NUP160: variants seen among roughly 807,000 people sequenced by gnomAD.
NUP160 encodes the protein nuclear pore complex protein Nup160.
Under a neutral mutation model 196.9 loss-of-function variants are expected in NUP160, and 94 were observed. The ratio of observed to expected loss-of-function variants is 0.48; its 90% CI spans 0.40 to 0.57. NUP160 has a LOEUF of 0.57. NUP160 is among the 20% of genes least tolerant of loss of function. The probability of loss-of-function intolerance (pLI) is 0.00; values close to 1 mark genes in which losing one functional copy is unlikely to be tolerated. For missense variants in NUP160, 1,638 were observed against 1,748.3 expected, an observed-to-expected ratio of 0.94 and a Z score of 1.13; for synonymous variants, 605 against 619.7, an observed-to-expected ratio of 0.98 and a Z score of 0.35.
chr11:47,779,098 A>G lies in NUP160; in HGVS notation c.*7T>C, dbSNP rs372055887. 9.0e-5 allele frequency: 145 copies of G among 1,609,708 alleles called. No homozygotes were observed. In the African/African-American group the frequency reaches 1.7e-3, roughly 19 times the overall value. On this transcript the variant is annotated 3_prime_UTR_variant, in exon 36 of 36. Coordinates refer to ENST00000378460, the Ensembl canonical transcript of NUP160. ...AAGCGGTTACAAAGGCTAGGTGACA[A>G]TCCAAATCACAAGGTCCGACGATAT...
rs1236802420 is a variant in NUP160, at chr11:47,815,943, C to T, written c.1515+3G>A. 4 of 1,607,844 alleles carry T rather than the reference C, an allele frequency of 2.5e-6. No homozygotes were observed. Among genetic ancestry groups the T allele is most frequent in the Non-Finnish European group, 3.4e-6 (4 of 1,174,482 alleles). ...TCTTATTCTTTCTCTACCCAAGCCT[C>T]ACCTCATTTTCAACAGCTAAAGTAA... On this transcript the variant is annotated splice_donor_region_variant and intron_variant, in intron 12 of 35. Coordinates refer to ENST00000378460, the Ensembl canonical transcript of NUP160.
chr11:47,791,929 C>T lies in NUP160; in HGVS notation c.3511+1G>A. On this transcript the variant is annotated splice_donor_variant, in intron 29 of 35. Transcript: ENST00000378460. LOFTEE classifies it high-confidence loss of function. Reference sequence around the variant, plus strand: ...GAACCAGTGTGAGACTCCTGACTCACTGGGGGCAGCTGTGCATTCTCCATC... The same window carrying T: ...GAACCAGTGTGAGACTCCTGACTCATTGGGGGCAGCTGTGCATTCTCCATC... 6.2e-7 allele frequency: 1 copy of T among 1,608,074 alleles called. No individual in the cohort carries two copies. The highest frequency in any genetic ancestry group is 8.5e-7 in the Non-Finnish European group (1 of 1,175,464).
chr11:47,816,514 C>G (rs969762027), intron 11 of NUP160, among the ~76,000 whole-genome samples: 1 of 152,114 alleles, frequency 6.6e-6, no homozygotes, highest in Non-Finnish European at 1.5e-5. Flanking sequence ...GTGGCTCATG[C>G]CTATAATCCC....
chr11:47,797,092 C>T (rs565817817), intron 27 of NUP160, among the ~76,000 whole-genome samples: 2 of 152,254 alleles, frequency 1.3e-5, no homozygotes, highest in African/African-American at 4.8e-5. Flanking sequence ...ATCTATTATA[C>T]TCATAACCTA....
chr11:47,789,033 T>C (rs2097666419), intron 29 of NUP160, among the ~76,000 whole-genome samples: 1 of 152,084 alleles, frequency 6.6e-6, no homozygotes, highest in South Asian at 2.1e-4. Context: ...TGCACCACCA[T>C]GCCCAGCTAA....
chr11:47,799,921 G>C (rs926155565), intron 23 of NUP160, among the ~76,000 whole-genome samples: 1 of 152,160 alleles, frequency 6.6e-6, no homozygotes, highest in Non-Finnish European at 1.5e-5. Context: ...TTGTGGTGAT[G>C]CTGGTGTAAA....
intron 11 of NUP160, among the ~76,000 whole-genome samples, chr11:47,817,796 T>C (rs1308129429): frequency 6.6e-6 from 1 of 152,220 alleles, no homozygotes; most frequent in African/African-American, 2.4e-5. Context: ...TTTACAGTAC[T>C]GTAGGTAGAG....
chr11:47,842,788 G>A (rs1169797846), intron 2 of NUP160, among the ~76,000 whole-genome samples: 12 of 152,080 alleles, frequency 7.9e-5, no homozygotes, highest in Admixed American at 6.6e-4. Flanking sequence ...CCAGGAGTAC[G>A]AGATCAGCCT....
At chr11:47,812,776 T>C in intron 15 of NUP160, 106 bp downstream of exon 15, 3 of 868,850 alleles carry the variant, frequency 3.5e-6, no homozygotes, top group Middle Eastern at 4.5e-4. Context: ...AGTTTGACTT[T>C]AAGCTACTAT....
intron 7 of NUP160, chr11:47,827,211 A>G (rs754937548): frequency 4.4e-6 from 2 of 452,996 alleles, no homozygotes; most frequent in South Asian, 3.1e-5. Flanking sequence ...AAAATACAAA[A>G]AAATTAGCCA....
chr11:47,841,877 CG>C (rs1852306072), intron 2 of NUP160, among the ~76,000 whole-genome samples: 1 of 151,632 alleles, frequency 6.6e-6, no homozygotes, highest in Non-Finnish European at 1.5e-5. Context: ...TTAGTAGAGA[CG>C]GGGTTTCACC....
At chr11:47,798,236 T>C in exon 25 of NUP160, 3 of 1,612,214 alleles carry the variant, frequency 1.9e-6, no homozygotes, top group Non-Finnish European at 2.5e-6. Flanking sequence ...CCAAATGATG[T>C]TTGAAAATAC....
intron 33 of NUP160, among the ~76,000 whole-genome samples, chr11:47,783,748 C>G (rs768586156): frequency 6.6e-5 from 10 of 151,950 alleles, no homozygotes; most frequent in African/African-American, 1.2e-4. Context: ...TTTTTTGAGA[C>G]AGAGTCTTGC....
At chr11:47,788,545 C>A in exon 30 of NUP160, 6 of 1,613,976 alleles carry the variant, frequency 3.7e-6, no homozygotes, top group Non-Finnish European at 4.2e-6. Flanking sequence ...CAAAGTGAGG[C>A]GGATGCGAGC....
At position 47,798,387 on chromosome 11, in the gene NUP160, C is replaced by A; in HGVS notation, c.2972G>T (p.Gly991Val). 6.2e-7 allele frequency: 1 copy of A among 1,610,506 alleles called. No individual in the cohort carries two copies. The highest frequency in any genetic ancestry group is 2.2e-5 in the East Asian group (1 of 44,810). ...TCTTACCTGACTTTTCCAGTCATCA[C>A]CTGCTTCAGTTATGGCTGATGTAGC... The change falls in exon 24 of 36, where the codon GGT (glycine) becomes GTT (valine). Residue 991 changes from glycine to valine, a missense_variant. Transcript: ENST00000378460.
At chr11:47,804,510 A>G in intron 21 of NUP160, 39 bp downstream of exon 21, 1 of 1,343,922 alleles carries the variant, frequency 7.4e-7, no homozygotes, top group East Asian at 2.6e-5. Context: ...CCCATGCTTT[A>G]CAAGAATGTG....
At chr11:47,806,599 C>T (rs1183303765) in intron 19 of NUP160, 2 of 301,200 alleles carry the variant, frequency 6.6e-6, no homozygotes, top group Admixed American at 4.6e-5. Flanking sequence ...ATGATAAATA[C>T]AATTAGCCCC....
chr11:47,802,954 C>T (rs1337359441), intron 22 of NUP160, among the ~76,000 whole-genome samples: 2 of 151,870 alleles, frequency 1.3e-5, no homozygotes, highest in Non-Finnish European at 2.9e-5. Context: ...CCACTGCACT[C>T]CAGTCTGGGT....
At chr11:47,791,084 T>C (rs1453621584) in intron 29 of NUP160, among the ~76,000 whole-genome samples, 4 of 152,228 alleles carry the variant, frequency 2.6e-5, no homozygotes, top group East Asian at 1.9e-4. Flanking sequence ...GAGATAAAAA[T>C]ATATTTTGCA....
Sources: allele counts gnomAD v4.1 joint callset (sites outside exome capture counted in the v4.1 genomes callset), GRCh38; gene constraint gnomAD v4.1.1; transcripts MANE v1.5; gene names NCBI Gene and HGNC (gene_info 2026-07-23, HGNC 2026-07-21).